Variants in CNKSR2 observed in about 807,000 individuals in gnomAD.
CNKSR2 encodes the protein connector enhancer of kinase suppressor of Ras 2, also known as CNK homolog protein 2.
In CNKSR2, 14 loss-of-function variants were observed where a neutral mutation model predicts 84.4. The ratio of observed to expected loss-of-function variants is 0.17; its 90% CI spans 0.11 to 0.26. The LOEUF is 0.26. CNKSR2 is among the 10% of genes least tolerant of loss of function. The pLI, the probability that CNKSR2 is intolerant of heterozygous loss-of-function variation, is 1.00. For missense variants in CNKSR2, 485 were observed against 771.2 expected (o/e 0.63, Z 4.40); for synonymous variants, 275 against 277.9 (o/e 0.99, Z 0.10).
Position 21,432,730 on chromosome X carries a change from C to G in CNKSR2, c.347C>G (p.Thr116Ser). Reference sequence around the variant, plus strand: ...AGGAGTGGCCATTATGATGGGAGGACCAGCCGAAAATTGCCAAACGACTTT... The same window carrying G: ...AGGAGTGGCCATTATGATGGGAGGAGCAGCCGAAAATTGCCAAACGACTTT... Reference protein sequence around the residue: ...RRRSGHYDGRTSRKLPNDFLT... With the variant: ...RRRSGHYDGRSSRKLPNDFLT... The change falls in exon 3 of 22, where the codon ACC becomes AGC. Residue 116 changes from threonine to serine, a missense_variant. Thr to Ser is a moderately conservative substitution (Grantham distance 58, BLOSUM62 1). Coordinates refer to ENST00000379510, the MANE Select transcript of CNKSR2 (RefSeq NM_014927.5). 8.3e-7 allele frequency: 1 copy of G among 1,210,294 alleles called. No individual in the cohort carries two copies. The highest frequency in any genetic ancestry group is 3.0e-5 in the East Asian group (1 of 33,740).
At chrX:21,595,189 T>A in intron 16 of CNKSR2, 135 bp from the exon 17 acceptor site, 1 of 655,043 alleles carries the variant, frequency 1.5e-6, no homozygotes, top group Non-Finnish European at 2.4e-6. Context: ...AACTTTTTAC[T>A]GATTTCTGTC....
At chrX:21,565,928 C>T (rs1395868688) in intron 13 of CNKSR2, among the ~76,000 whole-genome samples, 1 of 111,129 alleles carries the variant, frequency 9.0e-6, no homozygotes, top group Non-Finnish European at 1.9e-5. Flanking sequence ...AAAACTCAAA[C>T]TCAGAAATGA....
chrX:21,565,347 CA>C (rs1434093139), intron 13 of CNKSR2, among the ~76,000 whole-genome samples: 1 of 111,211 alleles, frequency 9.0e-6, no homozygotes, highest in Non-Finnish European at 1.9e-5. Context: ...AAAGGTGAGC[CA>C]AATTGGTAAT....
At chrX:21,479,618 C>T (rs1282123751) in intron 5 of CNKSR2, among the ~76,000 whole-genome samples, 7 of 110,537 alleles carry the variant, frequency 6.3e-5, no homozygotes, top group Non-Finnish European at 1.3e-4. Flanking sequence ...AGGTAAAGAG[C>T]GCCCTAAACC....
intron 10 of CNKSR2, among the ~76,000 whole-genome samples, chrX:21,529,361 A>T (rs2091864643): frequency 9.0e-6 from 1 of 111,237 alleles, no homozygotes; most frequent in Non-Finnish European, 1.9e-5. Context: ...TTTCATTATC[A>T]TTATATATAG....
At chrX:21,635,878 G>A (rs1219701002) in intron 20 of CNKSR2, among the ~76,000 whole-genome samples, 3 of 110,600 alleles carry the variant, frequency 2.7e-5, no homozygotes, top group Admixed American at 1.9e-4. Context: ...AATTCAAGTC[G>A]AGTGTGATGG....
At chrX:21,444,692 A>G (rs1569172314) in intron 4 of CNKSR2, among the ~76,000 whole-genome samples, 1 of 109,936 alleles carries the variant, frequency 9.1e-6, no homozygotes, top group African/African-American at 3.3e-5. Flanking sequence ...GAAAATTTCA[A>G]GGAGTGATGC....
chrX:21,519,266 A>AGAT (rs1308446987), intron 9 of CNKSR2, among the ~76,000 whole-genome samples: 1 of 111,358 alleles, frequency 9.0e-6, no homozygotes, highest in Non-Finnish European at 1.9e-5. Context: ...AAATTTTTAT[A>AGAT]GATTATAGAT....
At chrX:21,479,965 AT>A (rs1209938720) in intron 5 of CNKSR2, among the ~76,000 whole-genome samples, 1 of 111,040 alleles carries the variant, frequency 9.0e-6, no homozygotes, top group African/African-American at 3.3e-5. Flanking sequence ...CACTACCGAT[AT>A]CCCCACACAC....
intron 13 of CNKSR2, among the ~76,000 whole-genome samples, chrX:21,578,387 A>AG (rs760599592): frequency 9.0e-6 from 1 of 111,066 alleles, no homozygotes; most frequent in East Asian, 2.8e-4. Flanking sequence ...TTCAGCATTA[A>AG]GAAGAGAATT....
At chrX:21,590,247 C>G (rs1457509008) in intron 13 of CNKSR2, among the ~76,000 whole-genome samples, 1 of 111,901 alleles carries the variant, frequency 8.9e-6, no homozygotes, top group Non-Finnish European at 1.9e-5. Flanking sequence ...AAATGAGATA[C>G]TGTCTGGCAA....
At chrX:21,380,708 A>G (rs1379888190) in intron 1 of CNKSR2, among the ~76,000 whole-genome samples, 2 of 111,385 alleles carry the variant, frequency 1.8e-5, no homozygotes, top group East Asian at 2.8e-4. Flanking sequence ...TCGGCCTCCT[A>G]AAGTGTTGGG....
rs189999217 is a variant in CNKSR2 at position 21,505,907 on chromosome X, G to T, written c.810+4319G>T. 1.5e-4 allele frequency: 17 copies of T among 110,334 alleles called. No individual in the cohort carries two copies. The East Asian group carries it at 1.7e-3, about 11-fold the overall frequency. The allele number at this position is 110,334 out of a possible 1,213,427, so 9.1% of individuals were successfully genotyped here. A position where few individuals can be genotyped will look rare whatever the true frequency, so the allele number is the denominator to read the frequency against. On this transcript the variant is annotated intron_variant, in intron 8 of 21. Coordinates refer to ENST00000379510, the MANE Select transcript of CNKSR2 (RefSeq NM_014927.5). ...CTAAATTGTTGTCTTTATTTTTTTGGTTTTTTTCTAATTCCATTTTCTTTT... is the reference window on the plus strand; with the variant it reads ...CTAAATTGTTGTCTTTATTTTTTTGTTTTTTTTCTAATTCCATTTTCTTTT...
intron 10 of CNKSR2, among the ~76,000 whole-genome samples, chrX:21,528,701 A>G (rs1220431256): frequency 2.7e-5 from 3 of 111,150 alleles, no homozygotes; most frequent in Non-Finnish European, 5.7e-5. Context: ...AAAACTCCAT[A>G]CTTTTCTGTA....
intron 7 of CNKSR2, 89 bp downstream of exon 7, chrX:21,497,935 C>T (rs2091518757): frequency 4.0e-6 from 2 of 502,577 alleles, no homozygotes; most frequent in African/African-American, 2.3e-5. Flanking sequence ...AGGTTAACAT[C>T]TAAGGATAAG....
chrX:21,374,519 G>C lies in CNKSR2; in HGVS notation c.-379G>C, dbSNP rs922750038. ...GCGTGCGGCAGAGGCTGCTTCCCTC[G>C]GCGACGCGACCCCTCAGCAACTCAA... On this transcript the variant is annotated 5_prime_UTR_variant, in exon 1 of 22. Coordinates refer to ENST00000379510, the MANE Select transcript of CNKSR2 (RefSeq NM_014927.5). 1.5e-5 allele frequency: 6 copies of C among 411,014 alleles called. No individual in the cohort carries two copies. Among genetic ancestry groups the C allele is most frequent in the African/African-American group, 1.3e-4 (5 of 39,464 alleles). The allele number at this position is 411,014 out of a possible 1,213,427, so 33.9% of individuals were successfully genotyped here.
chrX:21,578,924 A>C (rs1247988106), intron 13 of CNKSR2, among the ~76,000 whole-genome samples: 1 of 111,664 alleles, frequency 9.0e-6, no homozygotes, highest in Non-Finnish European at 1.9e-5. Flanking sequence ...ATGAGCACAA[A>C]CCAGAGCATT....
rs927422354 is a variant in CNKSR2 at position 21,590,453 on chromosome X, G to A, written c.1609-119G>A. On this transcript the variant is annotated intron_variant, in intron 13 of 21. Coordinates refer to ENST00000379510, the MANE Select transcript of CNKSR2 (RefSeq NM_014927.5). ...TGTTTTGAGGCTTTGTGGGGAAAAA[G>A]TTCTTCCCCTAACAGTGTTTAGAGT... The A allele has an allele frequency of 5.5e-6, 3 of 549,236 alleles. No homozygotes were observed. In the African/African-American group the frequency reaches 7.0e-5, roughly 13 times the overall value. 45.3% of individuals were successfully genotyped at this position (549,236 alleles called of 1,213,427 possible).
At chrX:21,376,579 T>G (rs2089819760) in intron 1 of CNKSR2, among the ~76,000 whole-genome samples, 1 of 111,971 alleles carries the variant, frequency 8.9e-6, no homozygotes, top group East Asian at 2.8e-4. Flanking sequence ...TTCCAATATC[T>G]TAGATTCCCA....
Sources: allele counts gnomAD v4.1 joint callset (sites outside exome capture counted in the v4.1 genomes callset), GRCh38; gene constraint gnomAD v4.1.1; transcripts MANE v1.5; gene names NCBI Gene and HGNC (gene_info 2026-07-23, HGNC 2026-07-21).